Variants in TRPM1 observed in about 807,000 individuals in gnomAD.
TRPM1 encodes the protein transient receptor potential cation channel subfamily M member 1.
Under a neutral mutation model 149.4 loss-of-function variants are expected in TRPM1, and 113 were observed. That is an observed-to-expected ratio of 0.76 (90% CI 0.65 to 0.88). TRPM1 has a LOEUF of 0.88. Among genes scored for constraint, TRPM1 ranks in the 40% least tolerant of loss-of-function variants. TRPM1 has a pLI of 0.00. For synonymous variants in TRPM1, 741 were observed against 759.5 expected (o/e 0.98, Z 0.40); for missense variants, 1,976 against 2,038.7 (o/e 0.97, Z 0.59).
At chr15:31,042,355 T>G in intron 16 of TRPM1, 112 bp from the exon 17 acceptor site, 1 of 1,106,374 alleles carries the variant, frequency 9.0e-7, no homozygotes, top group East Asian at 2.6e-5. Flanking sequence ...AAGAGACTTC[T>G]GAAGTACATC....
In TRPM1 at chr15:31,049,496, T is replaced by C. The variant is rs2033882470; in HGVS notation, c.1451A>G (p.Glu484Gly). ...GACTAAAGCATCTAGCATCGCTTGC[T>C]CCAAAGCATTCACCTGCAGGGACCA... ...IELLNWVNAL[E>G]QAMLDALVLD... The change falls in exon 13 of 28, where the codon GAG becomes GGG. Residue 484 changes from glutamate (E) to glycine (G), a missense_variant. Coordinates refer to ENST00000256552, the MANE Select transcript of TRPM1 (RefSeq NM_001252024.2). 1.9e-6 allele frequency: 3 copies of C among 1,613,850 alleles called. No individual in the cohort carries two copies. The highest frequency in any genetic ancestry group is 2.5e-6 in the Non-Finnish European group (3 of 1,180,006).
At chr15:31,115,562 A>C (rs998936239) in intron 1 of TRPM1, among the ~76,000 whole-genome samples, 2 of 152,178 alleles carry the variant, frequency 1.3e-5, no homozygotes, top group African/African-American at 4.8e-5. Context: ...GGACTAGCTT[A>C]GATGGTAAAG....
chr15:31,050,619 T>A (rs1223851682), intron 11 of TRPM1, 37 bp from the exon 12 acceptor site: 7 of 1,611,944 alleles, frequency 4.3e-6, no homozygotes, highest in Non-Finnish European at 5.9e-6. Context: ...GAAATGGTAC[T>A]AAGGCTCTTT....
At chr15:31,113,401 T>C (rs1044067712) in intron 1 of TRPM1, among the ~76,000 whole-genome samples, 31 of 150,606 alleles carry the variant, frequency 2.1e-4, no homozygotes, top group African/African-American at 6.6e-4. Context: ...GGGTCACCTA[T>C]GCATACAGAA....
chr15:31,150,433 C>CTTT (rs35862690), intron 1 of TRPM1, among the ~76,000 whole-genome samples: 7 of 110,850 alleles, frequency 6.3e-5, no homozygotes, highest in African/African-American at 1.1e-4. Context: ...TTTTCTTTTC[C>CTTT]TTTTTTTTTT....
intron 27 of TRPM1, among the ~76,000 whole-genome samples, chr15:31,010,974 T>C (rs928393525): frequency 6.6e-6 from 1 of 152,230 alleles, no homozygotes; most frequent in African/African-American, 2.4e-5. Context: ...ATGTTTATAA[T>C]TGTTATATCT....
Position 31,063,266 on chromosome 15 carries a change from C to T in TRPM1, c.817G>A (p.Gly273Ser). ...TTAGGGCCCCCCTCCACCACGAGACCCACGAGGGGCACGCCCTGCCCCAGT... is the reference window on the plus strand; with the variant it reads ...TTAGGGCCCCCCTCCACCACGAGACTCACGAGGGGCACGCCCTGCCCCAGT... ...TRLGQGVPLV[G>S]LVVEGGPNVV... Residue 273 changes from glycine (G) to serine (S), a missense_variant, in exon 8 of 28, where the codon GGT (glycine) becomes AGT (serine). Gly to Ser is a moderately conservative substitution (Grantham distance 56). Around this residue, in one of 3 missense-constraint regions of TRPM1, gnomAD observed 1,332 missense variants for 1,347.1 expected, o/e 0.99. Coordinates refer to ENST00000256552, the MANE Select transcript of TRPM1 (RefSeq NM_001252024.2). 6.2e-7 allele frequency: 1 copy of T among 1,614,152 alleles called. No individual in the cohort carries two copies. The highest frequency in any genetic ancestry group is 8.5e-7 in the Non-Finnish European group (1 of 1,180,028).
intron 1 of TRPM1, among the ~76,000 whole-genome samples, chr15:31,085,384 A>G (rs2034972546): frequency 6.6e-6 from 1 of 152,260 alleles, no homozygotes; most frequent in African/African-American, 2.4e-5. Flanking sequence ...TAATGGAATC[A>G]TAGGGTATGT....
chr15:31,088,921 C>T (rs1036611937), intron 1 of TRPM1, among the ~76,000 whole-genome samples: 4 of 152,078 alleles, frequency 2.6e-5, no homozygotes, highest in Admixed American at 6.6e-5. Context: ...AGTCTGGTGG[C>T]AGAATTGCGT....
At chr15:31,084,001 C>G (rs1174055542) in intron 1 of TRPM1, among the ~76,000 whole-genome samples, 2 of 152,128 alleles carry the variant, frequency 1.3e-5, no homozygotes, top group Non-Finnish European at 2.9e-5. Flanking sequence ...ACAGGGCTGG[C>G]TTGCAGGAAA....
intron 1 of TRPM1, among the ~76,000 whole-genome samples, chr15:31,133,299 G>A (rs1300624348): frequency 6.6e-6 from 1 of 151,874 alleles, no homozygotes; most frequent in Non-Finnish European, 1.5e-5. Flanking sequence ...ATTAGCCAGT[G>A]GTGTGTTCCT....
At chr15:31,124,458 A>G (rs1200407612) in intron 1 of TRPM1, among the ~76,000 whole-genome samples, 1 of 151,468 alleles carries the variant, frequency 6.6e-6, no homozygotes, top group Middle Eastern at 3.2e-3. Context: ...GTTCAAGACC[A>G]GATTGGCTGA....
chr15:31,066,124 G>A lies in TRPM1; in HGVS notation c.742C>T (p.Leu248=), dbSNP rs1323107397. The A allele has an allele frequency of 1.9e-6, 3 of 1,614,092 alleles. No individual in the cohort carries two copies. Among genetic ancestry groups the A allele is most frequent in the Non-Finnish European group, 2.5e-6 (3 of 1,180,026 alleles). Residue 248 remains leucine (L), a synonymous_variant, in exon 7 of 28, where the codon CTG becomes TTG. Transcript: ENST00000256552. The part of the protein sequence containing the change: ...TLGKYGAEVK[L]RRLLEKHISL... The stretch of plus-strand genomic sequence containing the variant: ...ATGTGCTTTTCCAGCAGCCTTCGCA[G>A]CTTCACCTCGGCGCCATACTTGCCC...
At chr15:31,104,816 A>C (rs147000482), upstream of TRPM1, among the ~76,000 whole-genome samples, 1,422 of 151,882 alleles carry the variant, frequency 9.4e-3, 15 homozygotes, top group Middle Eastern at 0.027. Flanking sequence ...GGATGGTCTC[A>C]ATCTCCTGAC....
At chr15:31,072,694 A>G (rs1385699024) in intron 3 of TRPM1, among the ~76,000 whole-genome samples, 1 of 151,932 alleles carries the variant, frequency 6.6e-6, no homozygotes, top group Non-Finnish European at 1.5e-5. Flanking sequence ...ACTATCTTAC[A>G]TTTTCATTCT....
At chr15:31,134,251 G>A (rs574708177) in intron 1 of TRPM1, among the ~76,000 whole-genome samples, 1 of 152,322 alleles carries the variant, frequency 6.6e-6, no homozygotes, top group East Asian at 1.9e-4. Flanking sequence ...AAAATGCAGA[G>A]AAGCATATTA....
chr15:31,087,231 A>ATTTTTTTTTTT lies in TRPM1; in HGVS notation c.-83-5804_-83-5794dup, dbSNP rs58872566. Among the ~76,000 whole-genome samples, 26 of 59,446 alleles carry ATTTTTTTTTTT rather than the reference A, an allele frequency of 4.4e-4. 1 individual carries two copies. The highest frequency in any genetic ancestry group is 1.1e-3 in the African/African-American group (16 of 14,046). 39.0% of individuals were successfully genotyped at this position (59,446 alleles called of 152,430 possible). A position where few individuals can be genotyped will look rare whatever the true frequency, so the allele number is the denominator to read the frequency against. On this transcript the variant is annotated intron_variant, in intron 1 of 27. Transcript: ENST00000256552. ...AGCAGTTAAGCAGGTCTCAATAGGGATTTTTTTTTTTTTTTTTTTTTTTTT... is the reference window on the plus strand; with the variant it reads ...AGCAGTTAAGCAGGTCTCAATAGGGATTTTTTTTTTTTTTTTTTTTTTTTTTTTTTTTTTTT...
At chr15:31,154,758 T>C (rs1437374792) in intron 1 of TRPM1, among the ~76,000 whole-genome samples, 1 of 152,118 alleles carries the variant, frequency 6.6e-6, no homozygotes, top group Non-Finnish European at 1.5e-5. Flanking sequence ...GTGCTTGAGA[T>C]ATTTTGCAGA....
intron 11 of TRPM1, among the ~76,000 whole-genome samples, chr15:31,054,851 A>T (rs1004042515): frequency 6.6e-6 from 1 of 152,174 alleles, no homozygotes; most frequent in Non-Finnish European, 1.5e-5. Context: ...ATTATTAATT[A>T]TAGTCACTAT....
Sources: allele counts gnomAD v4.1 joint callset (sites outside exome capture counted in the v4.1 genomes callset), GRCh38; gene constraint gnomAD v4.1.1; regional missense constraint gnomAD v4.1.1; transcripts MANE v1.5; gene names NCBI Gene and HGNC (gene_info 2026-07-23, HGNC 2026-07-21).